The following AMMECR1 variants were observed in gnomAD, a reference collection of about 807,000 sequenced individuals.
AMMECR1 encodes AMMECR nuclear protein 1.
A neutral mutation model predicts 22.5 loss-of-function variants in AMMECR1; 3 were observed. The ratio of observed to expected loss-of-function variants is 0.13; its 90% confidence interval spans 0.06 to 0.35. The LOEUF (loss-of-function observed/expected upper bound fraction) is 0.35, where lower values mean the gene tolerates loss of function less well. AMMECR1 is among the 10% of genes least tolerant of loss of function. The probability of loss-of-function intolerance (pLI) is 1.00; values close to 1 mark genes in which losing one functional copy is unlikely to be tolerated. For synonymous variants in AMMECR1, 130 were observed against 116.7 expected (o/e 1.11, Z -0.74); for missense variants, 235 against 278.7 (o/e 0.84, Z 1.12).
intron 2 of AMMECR1, among the ~76,000 whole-genome samples, chrX:110,238,175 G>A (rs778912855): frequency 9.0e-6 from 1 of 111,584 alleles, no homozygotes; most frequent in African/African-American, 3.3e-5. Flanking sequence ...CAAGCAAATC[G>A]GTGTCACTAA....
chrX:110,214,672 C>T, intron 3 of AMMECR1, among the ~76,000 whole-genome samples: 1 of 111,925 alleles, frequency 8.9e-6, no homozygotes. Flanking sequence ...AACACATGCA[C>T]ACACATTTAT....
At chrX:110,259,927 G>A (rs1469299366) in intron 2 of AMMECR1, among the ~76,000 whole-genome samples, 1 of 110,857 alleles carries the variant, frequency 9.0e-6, no homozygotes, top group African/African-American at 3.3e-5. Context: ...CTATATTAGT[G>A]GTAATTTTCC....
chrX:110,384,664 C>A (rs2068442789), intron 2 of AMMECR1, among the ~76,000 whole-genome samples: 1 of 111,258 alleles, frequency 9.0e-6, no homozygotes, highest in Admixed American at 9.6e-5. Context: ...CATTCTGTAT[C>A]ATGGCTCACT....
intron 2 of AMMECR1, among the ~76,000 whole-genome samples, chrX:110,228,303 G>A (rs1341801864): frequency 9.0e-6 from 1 of 111,196 alleles, no homozygotes; most frequent in Non-Finnish European, 1.9e-5. Flanking sequence ...CATAATAGGT[G>A]TCCTCCAAGA....
intron 2 of AMMECR1, among the ~76,000 whole-genome samples, chrX:110,326,176 GA>G (rs1188311894): frequency 9.0e-6 from 1 of 110,879 alleles, no homozygotes. Context: ...ATTTTTAGTA[GA>G]AACGGGGTTT....
intron 2 of AMMECR1, among the ~76,000 whole-genome samples, chrX:110,324,631 C>G (rs1326906088): frequency 1.9e-5 from 2 of 105,559 alleles, no homozygotes; most frequent in Admixed American, 1.0e-4. Context: ...GTCCCTTCTA[C>G]TGGTAGTTTG....
chrX:110,294,782 A>T (rs977987323), intron 1 of AMMECR1, among the ~76,000 whole-genome samples: 1 of 111,154 alleles, frequency 9.0e-6, no homozygotes, highest in Non-Finnish European at 1.9e-5. Context: ...TAATTATGAA[A>T]GGTAATCCAT....
At chrX:110,201,140 A>G in intron 4 of AMMECR1, 90 bp from the exon 5 acceptor site, 1 of 521,025 alleles carries the variant, frequency 1.9e-6, no homozygotes, top group Non-Finnish European at 3.1e-6. Context: ...GAGGTCAGCT[A>G]TCACTGTCAC....
intron 2 of AMMECR1, among the ~76,000 whole-genome samples, chrX:110,327,515 G>A (rs2068102445): frequency 9.0e-6 from 1 of 111,654 alleles, no homozygotes; most frequent in African/African-American, 3.3e-5. Context: ...AATAACATGA[G>A]TAGTTTCATT....
At position 110,317,826 on chromosome X, in the gene AMMECR1, C is replaced by A. The variant is rs752992943; in HGVS notation, c.246G>T (p.Gly82=). 7.8e-6 allele frequency: 9 copies of A among 1,153,939 alleles called. No individual in the cohort carries two copies. The highest frequency in any genetic ancestry group is 6.1e-5 in the South Asian group (3 of 49,264). The part of the protein sequence containing the change: ...PPQGCGGGGG[G]IALSPPPSCG... Reference sequence around the variant, plus strand: ...AGCTCGGAGGTGGCGACAGGGCGATCCCCCCGCCGCCGCCGCCGCAGCCCT... The same window carrying A: ...AGCTCGGAGGTGGCGACAGGGCGATACCCCCGCCGCCGCCGCCGCAGCCCT... Residue 82 remains glycine, a synonymous_variant, in exon 1 of 6, where the codon GGG becomes GGT. Transcript: ENST00000262844.
chrX:110,384,906 T>A (rs1437312226), intron 2 of AMMECR1, among the ~76,000 whole-genome samples: 1 of 111,097 alleles, frequency 9.0e-6, no homozygotes, highest in Non-Finnish European at 1.9e-5. Context: ...TTCTGTTGCC[T>A]CTTCCCTTTG....
intron 1 of AMMECR1, among the ~76,000 whole-genome samples, chrX:110,311,700 C>T (rs768400584): frequency 1.8e-5 from 2 of 112,304 alleles, no homozygotes; most frequent in South Asian, 7.4e-4. Context: ...TACTATTACA[C>T]TGTACTTCTT....
intron 1 of AMMECR1, among the ~76,000 whole-genome samples, chrX:110,431,265 A>T (rs928328512): frequency 1.1e-4 from 12 of 110,341 alleles, no homozygotes; most frequent in Non-Finnish European, 1.7e-4. Flanking sequence ...TGCAGTGATC[A>T]TGGGGACAGG....
intron 1 of AMMECR1, among the ~76,000 whole-genome samples, chrX:110,308,436 G>A (rs2068008688): frequency 9.0e-6 from 1 of 111,703 alleles, no homozygotes; most frequent in Admixed American, 9.5e-5. Flanking sequence ...CAATGTGGGA[G>A]AGTCAATTCC....
chrX:110,297,675 T>G (rs759861530), intron 1 of AMMECR1, among the ~76,000 whole-genome samples: 1 of 112,067 alleles, frequency 8.9e-6, no homozygotes, highest in African/African-American at 3.2e-5. Context: ...GAAAAACTTG[T>G]TTTTAACAAT....
chrX:110,329,729 C>A (rs1221468496), intron 2 of AMMECR1, among the ~76,000 whole-genome samples: 16 of 112,148 alleles, frequency 1.4e-4, no homozygotes, highest in Non-Finnish European at 1.9e-5. Flanking sequence ...TGATGCCAAA[C>A]AACCACAGAT....
At chrX:110,237,355 G>A (rs1197967212) in intron 2 of AMMECR1, among the ~76,000 whole-genome samples, 2 of 110,796 alleles carry the variant, frequency 1.8e-5, no homozygotes, top group Non-Finnish European at 3.8e-5. Context: ...AGGTTAGTAA[G>A]CAGTCTAGGG....
At chrX:110,293,610 G>A (rs2067919999) in intron 1 of AMMECR1, among the ~76,000 whole-genome samples, 1 of 111,170 alleles carries the variant, frequency 9.0e-6, no homozygotes, top group Admixed American at 9.6e-5. Flanking sequence ...CCCAGACACA[G>A]AAGGATACTT....
chrX:110,399,022 A>G (rs773117857), intron 2 of AMMECR1, among the ~76,000 whole-genome samples: 11 of 112,197 alleles, frequency 9.8e-5, no homozygotes, highest in African/African-American at 3.6e-4. Context: ...GTTACCTATT[A>G]GCCGTTTCTC....
Sources: gnomAD v4.1 joint callset for allele counts (sites outside exome capture counted in the v4.1 genomes callset) on GRCh38, gnomAD v4.1.1 for gene constraint, MANE v1.5 for transcripts, NCBI Gene and HGNC (gene_info 2026-07-23, HGNC 2026-07-21) for gene names.